Variants in FSTL5 observed in about 807,000 individuals in gnomAD.
The protein encoded by FSTL5 is follistatin like 5.
In FSTL5, 62 loss-of-function variants were observed where a neutral mutation model predicts 89.1. The observed-to-expected ratio is 0.70, with a 90% confidence interval of 0.57 to 0.86. The LOEUF is 0.86. Ranked by LOEUF, FSTL5 falls within the 40% of genes least tolerant of loss-of-function variation. The pLI is 0.00. For missense variants in FSTL5, 1,057 were observed against 1,001.6 expected (o/e 1.06, Z -0.75); for synonymous variants, 383 against 346.2 (o/e 1.11, Z -1.18).
chr4:161,407,082 T>C lies in FSTL5; in HGVS notation c.1842-20633A>G, dbSNP rs562194559. ...GAAGTAATTGCTAATCTGATACAGG[T>C]TCTCCTTTGGAGGTAAGCAAAGCAT... On this transcript the variant is annotated intron_variant, in intron 15 of 15. Coordinates refer to ENST00000306100, the MANE Select transcript of FSTL5 (RefSeq NM_020116.5). Among the ~76,000 whole-genome samples the C allele has an allele frequency of 2.0e-5, 3 of 152,264 alleles. No homozygotes were observed. The South Asian group carries it at 6.2e-4, about 32-fold the overall frequency.
At position 162,087,774 on chromosome 4, in the gene FSTL5, T is replaced by C. The variant is rs188761208; in HGVS notation, c.126+23497A>G. On this transcript the variant is annotated intron_variant, in intron 2 of 15. Transcript: ENST00000306100. The stretch of plus-strand genomic sequence containing the variant: ...AGGTGACAAAATATCATTGCACAGT[T>C]CAAACTCACAATCCCAGAGCTCACA... Among the ~76,000 whole-genome samples the C allele has an allele frequency of 3.7e-3, 559 of 152,266 alleles. 4 individuals are homozygous for C. Among genetic ancestry groups the C allele is most frequent in the African/African-American group, 0.012 (504 of 41,574 alleles).
intron 7 of FSTL5, among the ~76,000 whole-genome samples, chr4:161,644,276 C>G (rs1193687955): frequency 6.6e-6 from 1 of 152,040 alleles, no homozygotes; most frequent in Non-Finnish European, 1.5e-5. Flanking sequence ...CCTGTAATCC[C>G]AGCACTTTGG....
chr4:161,449,256 C>T (rs898738585), intron 15 of FSTL5, among the ~76,000 whole-genome samples: 2 of 152,104 alleles, frequency 1.3e-5, no homozygotes, highest in African/African-American at 2.4e-5. Flanking sequence ...TTTTAAGACA[C>T]TACATAATCA....
chr4:162,158,574 T>C (rs964701275), intron 1 of FSTL5, among the ~76,000 whole-genome samples: 2 of 152,074 alleles, frequency 1.3e-5, no homozygotes, highest in Admixed American at 1.3e-4. Context: ...ACTTTTGACC[T>C]AAATAGAGGT....
At chr4:161,431,407 AGTTAAAAGATATTAT>A (rs1399412263) in intron 15 of FSTL5, among the ~76,000 whole-genome samples, 1 of 152,010 alleles carries the variant, frequency 6.6e-6, no homozygotes, top group African/African-American at 2.4e-5. Context: ...TAAAATAATG[AGTTAAAAGATATTAT>A]TTGTAAGCCT....
chr4:161,432,194 GACTATATGTTAAGTC>G (rs1732401840), intron 15 of FSTL5, among the ~76,000 whole-genome samples: 1 of 151,948 alleles, frequency 6.6e-6, no homozygotes, highest in African/African-American at 2.4e-5. Flanking sequence ...CTTAAGGAGA[GACTATATGTTAAGTC>G]ACAAATGAGT....
intron 1 of FSTL5, among the ~76,000 whole-genome samples, chr4:162,136,456 G>C (rs1384497679): frequency 2.0e-5 from 3 of 152,020 alleles, no homozygotes; most frequent in East Asian, 3.9e-4. Flanking sequence ...CATCTTTAGA[G>C]TGGGGGGAGT....
rs1281426738 is a variant in FSTL5 at position 161,538,366 on chromosome 4, TA to T, written c.1178-67del. The T allele has an allele frequency of 3.9e-6, 6 of 1,553,252 alleles. No homozygotes were observed. In the Admixed American group the frequency reaches 6.7e-5, roughly 17 times the overall value. Reference sequence around the variant, plus strand: ...CAGTTTTGGAACAGTGCTTTCTGATTACACAGTCAAACAGTTCTCTTGGCTT... The same window carrying T: ...CAGTTTTGGAACAGTGCTTTCTGATTCACAGTCAAACAGTTCTCTTGGCTT... On this transcript the variant is annotated intron_variant, in intron 9 of 15. Transcript: ENST00000306100.
At chr4:161,410,196 C>T (rs1731539847) in intron 15 of FSTL5, among the ~76,000 whole-genome samples, 1 of 152,114 alleles carries the variant, frequency 6.6e-6, no homozygotes, top group Admixed American at 6.5e-5. Flanking sequence ...TCTAAAAATA[C>T]ATGCAAACAA....
Position 161,500,078 on chromosome 4 carries a change from G to A in FSTL5, c.1396C>T (p.Gln466Ter), listed in dbSNP as rs984768992. The change falls in exon 12 of 16, where the codon CAA (glutamine) becomes TAA (stop). Residue 466 changes from glutamine to a stop codon, truncating the protein, a stop_gained. Coordinates refer to ENST00000306100, the MANE Select transcript of FSTL5 (RefSeq NM_020116.5). LOFTEE classifies it high-confidence loss of function. Reference sequence around the variant, plus strand: ...CTCTGAAATTCACATTCTATGGGTTGTATCACTTTGATTCCATCTTCATAA... The same window carrying A: ...CTCTGAAATTCACATTCTATGGGTTATATCACTTTGATTCCATCTTCATAA... ...VFYEDGIKVI[Q>*]PIECEFQRHI... 2.5e-6 allele frequency: 4 copies of A among 1,609,684 alleles called. No individual in the cohort carries two copies. Among genetic ancestry groups the A allele is most frequent in the African/African-American group, 1.3e-5 (1 of 74,768 alleles).
At chr4:162,064,065 A>G (rs1199272620) in intron 2 of FSTL5, among the ~76,000 whole-genome samples, 4 of 151,730 alleles carry the variant, frequency 2.6e-5, no homozygotes, top group African/African-American at 9.7e-5. Context: ...CTCTCTGTTA[A>G]TTATTTAGCT....
Position 161,562,054 on chromosome 4 carries a change from G to A in FSTL5, c.1016-19361C>T, listed in dbSNP as rs913904544. ...CACCCACCTTACTGAGAGTGGAGGC[G>A]ATGAGAATGGACATGGGTACTAAGC... On this transcript the variant is annotated intron_variant, in intron 8 of 15. Transcript: ENST00000306100. 7.2e-5 allele frequency among the ~76,000 whole-genome samples: 11 copies of A among 151,994 alleles called. No homozygotes were observed. In the South Asian group the frequency reaches 1.2e-3, roughly 17 times the overall value.
intron 15 of FSTL5, among the ~76,000 whole-genome samples, chr4:161,399,363 T>G: frequency 6.6e-6 from 1 of 152,274 alleles, no homozygotes; most frequent in East Asian, 1.9e-4. Flanking sequence ...GTATAATTTA[T>G]TCTTACAATA....
intron 7 of FSTL5, among the ~76,000 whole-genome samples, chr4:161,632,609 CTG>C (rs1578981802): frequency 6.6e-6 from 1 of 152,062 alleles, no homozygotes; most frequent in African/African-American, 2.4e-5. Flanking sequence ...GCATTTAACT[CTG>C]TGAATTTATG....
intron 3 of FSTL5, among the ~76,000 whole-genome samples, chr4:161,935,704 GTTCT>G (rs1283891741): frequency 6.6e-6 from 1 of 151,902 alleles, no homozygotes; most frequent in Non-Finnish European, 1.5e-5. Flanking sequence ...AGTCCTTTTT[GTTCT>G]TTCTCATGGT....
intron 8 of FSTL5, among the ~76,000 whole-genome samples, chr4:161,573,090 T>G (rs1733076833): frequency 6.6e-6 from 1 of 152,130 alleles, no homozygotes; most frequent in African/African-American, 2.4e-5. Context: ...CTTAGTGTAT[T>G]TGTTTCCTAA....
chr4:161,683,997 G>A (rs974201422), intron 6 of FSTL5, among the ~76,000 whole-genome samples: 2 of 152,152 alleles, frequency 1.3e-5, no homozygotes, highest in African/African-American at 4.8e-5. Context: ...AACATACGAT[G>A]TTTGACTTTT....
intron 4 of FSTL5, among the ~76,000 whole-genome samples, chr4:161,807,196 TACACACACAC>T (rs10561299): frequency 3.4e-5 from 5 of 146,514 alleles, no homozygotes; most frequent in Admixed American, 6.8e-5. Flanking sequence ...CACATGAGAA[TACACACACAC>T]ACACACACAC....
At chr4:161,952,774 A>C (rs1734933299) in intron 3 of FSTL5, among the ~76,000 whole-genome samples, 2 of 152,024 alleles carry the variant, frequency 1.3e-5, no homozygotes, top group Admixed American at 6.6e-5. Flanking sequence ...TTTAATTTCT[A>C]TCTGGCCAGG....
Sources: allele counts gnomAD v4.1 joint callset (sites outside exome capture counted in the v4.1 genomes callset), GRCh38; gene constraint gnomAD v4.1.1; transcripts MANE v1.5; gene names NCBI Gene and HGNC (gene_info 2026-07-23, HGNC 2026-07-21).